The following ARHGAP8 variants were observed in gnomAD, a reference collection of about 807,000 sequenced individuals.
ARHGAP8 encodes Rho GTPase activating protein 8, also known as rho GTPase-activating protein 8.
A neutral mutation model predicts 46.1 loss-of-function variants in ARHGAP8; 62 were observed. That is an observed-to-expected ratio of 1.34 (90% CI 1.10 to 1.66). The LOEUF (loss-of-function observed/expected upper bound fraction) is 1.66. ARHGAP8 is among the 40% of genes most tolerant of loss of function. The pLI is 0.00. For synonymous variants in ARHGAP8, 375 were observed against 243.1 expected, an observed-to-expected ratio of 1.54 and a Z score of -5.05; for missense variants, 923 against 568.4, an observed-to-expected ratio of 1.62 and a Z score of -6.34.
Position 44,809,320 on chromosome 22 carries a change from T to C in ARHGAP8, c.299+882T>C, listed in dbSNP as rs1050142538. 9.7e-6 allele frequency: 4 copies of C among 411,730 alleles called. No individual in the cohort carries two copies. The East Asian group carries it at 2.2e-4, about 22-fold the overall frequency. The allele number at this position is 411,730 out of a possible 1,614,324, so 25.5% of individuals were successfully genotyped here. A position where few individuals can be genotyped will look rare whatever the true frequency, so the allele number is the denominator to read the frequency against. ...ACTTAAAAACATAAAAAGCCATTTTTAGCTTGCAGCCTGTACCAAAGCAGG... is the reference window on the plus strand; with the variant it reads ...ACTTAAAAACATAAAAAGCCATTTTCAGCTTGCAGCCTGTACCAAAGCAGG... On this transcript the variant is annotated intron_variant, in intron 4 of 11. Coordinates refer to ENST00000356099, the MANE Select transcript of ARHGAP8 (RefSeq NM_181335.3).
At chr22:44,782,776 G>C (rs367731015) in intron 1 of ARHGAP8, among the ~76,000 whole-genome samples, 1 of 152,214 alleles carries the variant, frequency 6.6e-6, no homozygotes, top group Non-Finnish European at 1.5e-5. Context: ...CCCTTTGGCT[G>C]TTGTGAGCAG....
chr22:44,767,982 G>GTTTT lies in ARHGAP8; in HGVS notation c.-72+15356_-72+15357insTTTT, dbSNP rs1569134963. On this transcript the variant is annotated intron_variant, in intron 1 of 11. Coordinates refer to ENST00000356099, the MANE Select transcript of ARHGAP8 (RefSeq NM_181335.3). ...TTGTCAGATTTCCTCCCCGCATGAT[G>GTTTT]TCTTTTTTTTTTTTTTTTTTTTTTT... Among the ~76,000 whole-genome samples the GTTTT allele has an allele frequency of 8.6e-5, 6 of 69,748 alleles. 1 individual carries two copies. The highest frequency in any genetic ancestry group is 1.3e-3 in the South Asian group (2 of 1,556). The allele number at this position is 69,748 out of a possible 152,430, so 45.8% of individuals were successfully genotyped here.
rs1321950865 is a variant in ARHGAP8, at chr22:44,862,439, C to T, written c.1146C>T (p.Ser382=). The part of the protein sequence containing the change: ...LLIEYYEKIF[S]TPEAPGEHGL... The stretch of plus-strand genomic sequence containing the variant: ...TCGAGTACTATGAAAAGATCTTCAG[C>T]ACCCCGGAGGCACCTGGGGAGCACG... The change falls in exon 12 of 12, where the codon AGC becomes AGT. Residue 382 remains serine, a synonymous_variant. Coordinates refer to ENST00000356099, the MANE Select transcript of ARHGAP8 (RefSeq NM_181335.3). 1 of 1,614,122 alleles carries T rather than the reference C, an allele frequency of 6.2e-7. No individual in the cohort carries two copies. The highest frequency in any genetic ancestry group is 1.7e-5 in the Admixed American group (1 of 60,028).
intron 10 of ARHGAP8, chr22:44,849,334 G>T (rs992748292): frequency 2.1e-6 from 1 of 476,560 alleles, no homozygotes; most frequent in Non-Finnish European, 3.7e-6. Context: ...GCAGGGTGAT[G>T]GGGGGCTCTC....
chr22:44,830,403 C>G (rs1930861631), intron 7 of ARHGAP8, among the ~76,000 whole-genome samples: 1 of 152,132 alleles, frequency 6.6e-6, no homozygotes, highest in Non-Finnish European at 1.5e-5. Flanking sequence ...ACAATCTTGG[C>G]TCACTGCAAC....
intron 4 of ARHGAP8, 82 bp downstream of exon 4, chr22:44,808,520 AGT>A: frequency 1.3e-6 from 2 of 1,540,112 alleles, no homozygotes. Context: ...GGGGTCGCAG[AGT>A]GTGCAGTGGG....
At chr22:44,856,839 C>A (rs1319037462) in intron 10 of ARHGAP8, among the ~76,000 whole-genome samples, 2 of 144,774 alleles carry the variant, frequency 1.4e-5, no homozygotes, top group African/African-American at 5.5e-5. Flanking sequence ...CCGAATGTGG[C>A]TCTGCTGGTC....
intron 6 of ARHGAP8, among the ~76,000 whole-genome samples, chr22:44,825,181 C>T (rs1015020265): frequency 6.6e-6 from 1 of 152,006 alleles, no homozygotes; most frequent in Non-Finnish European, 1.5e-5. Context: ...AGGGTGGTCA[C>T]GCCCACCTTG....
intron 11 of ARHGAP8, 69 bp downstream of exon 11, chr22:44,859,903 AC>A: frequency 6.5e-7 from 1 of 1,538,664 alleles, no homozygotes. Flanking sequence ...GCCCGCATGG[AC>A]CAGTCCCCTC....
chr22:44,778,529 C>T (rs1035558528), intron 1 of ARHGAP8, among the ~76,000 whole-genome samples: 2 of 152,162 alleles, frequency 1.3e-5, no homozygotes, highest in Non-Finnish European at 2.9e-5. Flanking sequence ...TTATTTTCCT[C>T]TGGGTAGACA....
chr22:44,814,394 C>T (rs570033753), intron 4 of ARHGAP8, among the ~76,000 whole-genome samples: 12 of 152,284 alleles, frequency 7.9e-5, no homozygotes, highest in South Asian at 4.1e-4. Flanking sequence ...CAGCCACCCC[C>T]GACCCTGGTG....
At chr22:44,772,572 G>A (rs1926116762) in intron 1 of ARHGAP8, among the ~76,000 whole-genome samples, 1 of 151,062 alleles carries the variant, frequency 6.6e-6, no homozygotes, top group Non-Finnish European at 1.5e-5. Context: ...TATATTGCTG[G>A]GTTTGATTTG....
chr22:44,791,308 A>T (rs1927668801), intron 2 of ARHGAP8, among the ~76,000 whole-genome samples: 1 of 152,184 alleles, frequency 6.6e-6, no homozygotes, highest in South Asian at 2.1e-4. Context: ...CACTTGAGCC[A>T]GGGCCTCGAT....
chr22:44,761,961 G>A (rs900981783), intron 1 of ARHGAP8, among the ~76,000 whole-genome samples: 3 of 152,160 alleles, frequency 2.0e-5, no homozygotes, highest in Admixed American at 6.5e-5. Flanking sequence ...AACAGTGTGG[G>A]GGAACCCCCC....
chr22:44,862,783 A>G lies in ARHGAP8; in HGVS notation c.*188A>G. 1.5e-6 allele frequency: 1 copy of G among 672,718 alleles called. No individual in the cohort carries two copies. The highest frequency in any genetic ancestry group is 3.5e-5 in the South Asian group (1 of 28,968). The allele number at this position is 672,718 out of a possible 1,614,324, so 41.7% of individuals were successfully genotyped here. A position where few individuals can be genotyped will look rare whatever the true frequency, so the allele number is the denominator to read the frequency against. On this transcript the variant is annotated 3_prime_UTR_variant, in exon 12 of 12. Coordinates refer to ENST00000356099, the MANE Select transcript of ARHGAP8 (RefSeq NM_181335.3). ...CCTGAGCTGTGGACCGGGATAGAATAATGCATTTGTTAGGATGGATGTTTT... is the reference window on the plus strand; with the variant it reads ...CCTGAGCTGTGGACCGGGATAGAATGATGCATTTGTTAGGATGGATGTTTT...
intron 7 of ARHGAP8, among the ~76,000 whole-genome samples, chr22:44,839,417 A>G (rs1045756231): frequency 6.6e-6 from 1 of 152,202 alleles, no homozygotes; most frequent in African/African-American, 2.4e-5. Flanking sequence ...ACAGAGTTCT[A>G]ATCACCGTTT....
intron 5 of ARHGAP8, among the ~76,000 whole-genome samples, chr22:44,815,042 G>A (rs1211598459): frequency 6.6e-6 from 1 of 152,188 alleles, no homozygotes; most frequent in South Asian, 2.1e-4. Flanking sequence ...CTCAGGTGCC[G>A]TGATTTTCCA....
intron 8 of ARHGAP8, among the ~76,000 whole-genome samples, chr22:44,846,160 G>T (rs1380568905): frequency 2.0e-5 from 3 of 152,166 alleles, no homozygotes; most frequent in Non-Finnish European, 4.4e-5. Flanking sequence ...AGCACCGTGG[G>T]CCCCGAGACC....
At chr22:44,817,630 C>A (rs1929844622) in intron 5 of ARHGAP8, among the ~76,000 whole-genome samples, 1 of 152,022 alleles carries the variant, frequency 6.6e-6, no homozygotes, top group Non-Finnish European at 1.5e-5. Flanking sequence ...ATGGCAAAAC[C>A]CCGTCTCTAC....
Sources: allele counts gnomAD v4.1 joint callset (sites outside exome capture counted in the v4.1 genomes callset), GRCh38; gene constraint gnomAD v4.1.1; transcripts MANE v1.5; gene names NCBI Gene and HGNC (gene_info 2026-07-23, HGNC 2026-07-21).